RAPGEF4: variants seen among roughly 807,000 people sequenced by gnomAD.
RAPGEF4 encodes the protein Rap guanine nucleotide exchange factor 4.
A neutral mutation model predicts 147.9 loss-of-function variants in RAPGEF4; 66 were observed. That is an observed-to-expected ratio of 0.45 (90% CI 0.37 to 0.55). RAPGEF4 has a LOEUF of 0.55. RAPGEF4 is among the 20% of genes least tolerant of loss of function. The pLI is 0.00. For synonymous variants in RAPGEF4, 419 were observed against 442.7 expected, an observed-to-expected ratio of 0.95 and a Z score of 0.67; for missense variants, 1,071 against 1,257.3, an observed-to-expected ratio of 0.85 and a Z score of 2.24.
chr2:172,821,737 T>TA (rs35414922), intron 4 of RAPGEF4: 228,040 of 793,822 alleles, frequency 0.29, 13,667 homozygotes, highest in Admixed American at 0.46. Flanking sequence ...TAACTAAAGT[T>TA]AAAAAAAAAA....
chr2:172,988,046 C>T, intron 12 of RAPGEF4, 150 bp from the exon 13 acceptor site: 1 of 1,220,884 alleles, frequency 8.2e-7, no homozygotes, highest in Non-Finnish European at 1.1e-6. Flanking sequence ...GATAATGTGC[C>T]ACCTGAACAA....
intron 4 of RAPGEF4, among the ~76,000 whole-genome samples, chr2:172,903,693 G>GTT (rs1361063066): frequency 8.1e-6 from 1 of 123,050 alleles, no homozygotes; most frequent in East Asian, 2.4e-4. Context: ...AAAGCTAAGA[G>GTT]ACCCTATGGA....
Position 172,796,760 on chromosome 2 carries a change from C to T in RAPGEF4, c.209-765C>T, listed in dbSNP as rs567136575. The stretch of plus-strand genomic sequence containing the variant: ...GCCAGGACTCGGTTGTCCCACGAGC[C>T]GTCATGTGATTTTTCATTGAGTTAC... On this transcript the variant is annotated intron_variant, in intron 2 of 30. Coordinates refer to ENST00000397081, the MANE Select transcript of RAPGEF4 (RefSeq NM_007023.4). Among the ~76,000 whole-genome samples the T allele has an allele frequency of 4.5e-4, 68 of 152,210 alleles. 1 individual carries two copies. In the Middle Eastern group the frequency reaches 0.01, roughly 23 times the overall value.
chr2:172,914,885 C>A (rs1683887385), intron 4 of RAPGEF4, among the ~76,000 whole-genome samples: 1 of 152,160 alleles, frequency 6.6e-6, no homozygotes, highest in Non-Finnish European at 1.5e-5. Flanking sequence ...GGTTCTGCAT[C>A]TTTTCATATG....
At chr2:172,827,552 C>T (rs1334780650) in intron 4 of RAPGEF4, among the ~76,000 whole-genome samples, 1 of 152,054 alleles carries the variant, frequency 6.6e-6, no homozygotes, top group Non-Finnish European at 1.5e-5. Flanking sequence ...CCTCAAGCCT[C>T]AGCAGCATAA....
intron 10 of RAPGEF4, among the ~76,000 whole-genome samples, chr2:172,972,865 A>G (rs1360594372): frequency 6.6e-6 from 1 of 152,218 alleles, no homozygotes; most frequent in Non-Finnish European, 1.5e-5. Flanking sequence ...TTAAAAAAGA[A>G]GAAAAAATAC....
At chr2:172,827,793 G>T (rs1236240182) in intron 4 of RAPGEF4, among the ~76,000 whole-genome samples, 1 of 152,202 alleles carries the variant, frequency 6.6e-6, no homozygotes, top group Non-Finnish European at 1.5e-5. Context: ...AAACCCAGTA[G>T]ATGTGGGTGG....
At chr2:172,922,205 C>A in intron 5 of RAPGEF4, 76 bp from the exon 6 acceptor site, 1 of 1,427,202 alleles carries the variant, frequency 7.0e-7, no homozygotes, top group Non-Finnish European at 9.9e-7. Flanking sequence ...TGGTTTGGTT[C>A]AGCAAAATTT....
chr2:172,904,425 G>C (rs535073107), intron 4 of RAPGEF4, among the ~76,000 whole-genome samples: 4 of 152,156 alleles, frequency 2.6e-5, no homozygotes, highest in African/African-American at 9.7e-5. Context: ...ATTGTTTTAC[G>C]ACTTTCAATT....
chr2:173,019,026 C>G (rs1695779606), intron 22 of RAPGEF4, among the ~76,000 whole-genome samples: 1 of 152,186 alleles, frequency 6.6e-6, no homozygotes, highest in African/African-American at 2.4e-5. Context: ...GTGACTGGAA[C>G]TGAGGACTGT....
chr2:172,949,149 T>C (rs1231159518), intron 6 of RAPGEF4, among the ~76,000 whole-genome samples: 20 of 152,148 alleles, frequency 1.3e-4, no homozygotes, highest in Admixed American at 1.3e-3. Flanking sequence ...ATTTCAGAAA[T>C]GAAAAGAGGA....
intron 3 of RAPGEF4, among the ~76,000 whole-genome samples, chr2:172,799,960 C>T (rs1686807109): frequency 6.6e-6 from 1 of 152,144 alleles, no homozygotes; most frequent in African/African-American, 2.4e-5. Context: ...CTCACCATGG[C>T]ATCCTAGCCA....
At chr2:172,811,185 T>C (rs1268745237) in intron 3 of RAPGEF4, among the ~76,000 whole-genome samples, 4 of 152,220 alleles carry the variant, frequency 2.6e-5, no homozygotes, top group Non-Finnish European at 4.4e-5. Context: ...CACTCTGCCC[T>C]CAGGCAGAGC....
chr2:173,044,548 C>T (rs1685198508), intron 29 of RAPGEF4, among the ~76,000 whole-genome samples: 1 of 152,170 alleles, frequency 6.6e-6, no homozygotes, highest in African/African-American at 2.4e-5. Context: ...CTTCCCTCCT[C>T]GAGTGCATGT....
At chr2:172,806,038 T>C (rs1195416232) in intron 3 of RAPGEF4, among the ~76,000 whole-genome samples, 2 of 151,552 alleles carry the variant, frequency 1.3e-5, no homozygotes, top group Non-Finnish European at 2.9e-5. Context: ...TGTGTGTGTG[T>C]GTGTGTGTGT....
At chr2:172,915,779 T>C (rs1684010101) in intron 4 of RAPGEF4, among the ~76,000 whole-genome samples, 1 of 151,862 alleles carries the variant, frequency 6.6e-6, no homozygotes, top group African/African-American at 2.4e-5. Flanking sequence ...AATGTGTAGA[T>C]GAAATAGTAT....
chr2:172,972,187 T>A (rs551393932), intron 10 of RAPGEF4, among the ~76,000 whole-genome samples: 2 of 152,340 alleles, frequency 1.3e-5, no homozygotes, highest in South Asian at 4.1e-4. Flanking sequence ...GCTGTTCGAT[T>A]CCACACACTT....
intron 6 of RAPGEF4, among the ~76,000 whole-genome samples, chr2:172,941,477 G>A (rs908539466): frequency 2.1e-4 from 32 of 152,032 alleles, no homozygotes; most frequent in South Asian, 8.3e-4. Context: ...TTCACTTCAC[G>A]AAGTTATTGT....
chr2:173,034,040 C>T (rs1559200767), intron 27 of RAPGEF4, 76 bp downstream of exon 27: 1 of 1,420,090 alleles, frequency 7.0e-7, no homozygotes, highest in East Asian at 2.3e-5. Flanking sequence ...TTGAAGTTCT[C>T]ATTTTGGAAA....
Sources: allele counts gnomAD v4.1 joint callset (sites outside exome capture counted in the v4.1 genomes callset), GRCh38; gene constraint gnomAD v4.1.1; transcripts MANE v1.5; gene names NCBI Gene and HGNC (gene_info 2026-07-23, HGNC 2026-07-21).